Variants in SLC36A1 observed in about 807,000 individuals in gnomAD.
The protein encoded by SLC36A1 is proton-coupled amino acid transporter 1.
A neutral mutation model predicts 47.5 loss-of-function variants in SLC36A1; 30 were observed. The observed-to-expected ratio is 0.63, with a 90% CI of 0.47 to 0.86. SLC36A1 has a LOEUF of 0.86. Among genes scored for constraint, SLC36A1 ranks in the 40% least tolerant of loss-of-function variants. The pLI is 0.00. For missense variants in SLC36A1, 517 were observed against 606.0 expected, an observed-to-expected ratio of 0.85 and a Z score of 1.54; for synonymous variants, 255 against 249.7, an observed-to-expected ratio of 1.02 and a Z score of -0.20.
the SLC36A1 span, chr5:151,534,558 C>G: frequency 1.2e-6 from 2 of 1,614,102 alleles, no homozygotes; most frequent in South Asian, 1.1e-5. Flanking sequence ...CTGGCACGAT[C>G]GGCCACCTCC....
intron 7 of SLC36A1, among the ~76,000 whole-genome samples, chr5:151,472,129 G>C (rs968795022): frequency 5.9e-5 from 9 of 152,206 alleles, no homozygotes; most frequent in Admixed American, 2.6e-4. Flanking sequence ...AGTTTATTAA[G>C]GAATATTAAC....
rs1179862578 is a variant in SLC36A1 at position 151,486,977 on chromosome 5, C to T, written c.1160-1006C>T. Among the ~76,000 whole-genome samples, 3 of 152,338 alleles carry T rather than the reference C, an allele frequency of 2.0e-5. No individual in the cohort carries two copies. The East Asian group carries it at 5.8e-4, about 29-fold the overall frequency. ...GCATAACCTCATTTGACCATCATGACATCTCTATGATTCAGGAGCAGTTAA... is the reference window on the plus strand; with the variant it reads ...GCATAACCTCATTTGACCATCATGATATCTCTATGATTCAGGAGCAGTTAA... On this transcript the variant is annotated intron_variant, in intron 10 of 10. Transcript: ENST00000243389.
the SLC36A1 span, among the ~76,000 whole-genome samples, chr5:151,413,532 G>T: frequency 6.6e-6 from 1 of 152,046 alleles, no homozygotes; most frequent in Non-Finnish European, 1.5e-5. Context: ...TGAAAAAACT[G>T]AAAAACTATT....
the SLC36A1 span, among the ~76,000 whole-genome samples, chr5:151,402,351 T>A: frequency 6.6e-6 from 1 of 152,182 alleles, no homozygotes; most frequent in Admixed American, 6.5e-5. Context: ...GTCTAGTTGA[T>A]CCTGGTGAAT....
the SLC36A1 span, among the ~76,000 whole-genome samples, chr5:151,399,211 T>TA: frequency 6.6e-6 from 1 of 150,908 alleles, no homozygotes; most frequent in South Asian, 2.1e-4. Flanking sequence ...CTCAGCCTAC[T>TA]AAGTAGATGG....
chr5:151,367,374 T>TTTTTTTCCC, the SLC36A1 span, among the ~76,000 whole-genome samples: 20 of 145,530 alleles, frequency 1.4e-4, no homozygotes, highest in African/African-American at 4.9e-4. Flanking sequence ...TTTTTTTTTT[T>TTTTTTTCCC]CCCCAGGGTA....
At chr5:151,521,974 ACAGTGATGAAGATCTC>A in the SLC36A1 span, 1 of 1,614,138 alleles carries the variant, frequency 6.2e-7, no homozygotes, top group South Asian at 1.1e-5. Flanking sequence ...ATCCTCTCCA[ACAGTGATGAAGATCTC>A]CAGTGGGAGA....
chr5:151,378,908 G>A, the SLC36A1 span, among the ~76,000 whole-genome samples: 1 of 152,358 alleles, frequency 6.6e-6, no homozygotes, highest in South Asian at 2.1e-4. Flanking sequence ...CCAGCAGGCT[G>A]GACCGTGGAG....
chr5:151,397,764 C>CAAAAAAAAAAAAAAA, the SLC36A1 span, among the ~76,000 whole-genome samples: 1 of 44,322 alleles, frequency 2.3e-5, no homozygotes. Context: ...AACTCCAACT[C>CAAAAAAAAAAAAAAA]AAAAAAAAAA....
chr5:151,537,576 A>C, the SLC36A1 span, among the ~76,000 whole-genome samples: 1 of 152,214 alleles, frequency 6.6e-6, no homozygotes, highest in Non-Finnish European at 1.5e-5. Flanking sequence ...CCACTGATTC[A>C]ATGACCCCCT....
upstream of SLC36A1, among the ~76,000 whole-genome samples, chr5:151,443,382 T>G (rs1046709359): frequency 6.6e-6 from 1 of 152,202 alleles, no homozygotes; most frequent in South Asian, 2.1e-4. Flanking sequence ...TGAGGTGATA[T>G]CTAATAATGA....
the SLC36A1 span, among the ~76,000 whole-genome samples, chr5:151,359,858 G>A: frequency 6.6e-6 from 1 of 152,164 alleles, no homozygotes; most frequent in Non-Finnish European, 1.5e-5. Context: ...CCAATAGTTT[G>A]TTTCTTTTAA....
At chr5:151,400,281 A>G in the SLC36A1 span, among the ~76,000 whole-genome samples, 1 of 152,160 alleles carries the variant, frequency 6.6e-6, no homozygotes, top group Non-Finnish European at 1.5e-5. Flanking sequence ...TTTTTGAGTT[A>G]ATTTGCTGAG....
chr5:151,483,689 GAGTT>G (rs1759144120), intron 10 of SLC36A1, among the ~76,000 whole-genome samples: 1 of 152,136 alleles, frequency 6.6e-6, no homozygotes, highest in South Asian at 2.1e-4. Context: ...GCTGCTTCTG[GAGTT>G]AGTTAAAGTC....
chr5:151,413,932 C>A, the SLC36A1 span, among the ~76,000 whole-genome samples: 10 of 151,914 alleles, frequency 6.6e-5, 1 homozygote, highest in South Asian at 1.9e-3. Context: ...TCTAAGTGAA[C>A]ACAGTGCTTT....
chr5:151,395,794 T>C, the SLC36A1 span, among the ~76,000 whole-genome samples: 1 of 152,066 alleles, frequency 6.6e-6, no homozygotes, highest in Non-Finnish European at 1.5e-5. Flanking sequence ...ATACTTACTG[T>C]TATTCTTTCT....
intron 9 of SLC36A1, 176 bp downstream of exon 9, chr5:151,476,932 A>G (rs1758145941): frequency 1.3e-6 from 1 of 794,316 alleles, no homozygotes; most frequent in Non-Finnish European, 2.1e-6. Context: ...TGTTTGGGGA[A>G]TTCATGTAGA....
the SLC36A1 span, among the ~76,000 whole-genome samples, chr5:151,541,570 A>G: frequency 6.6e-6 from 1 of 152,194 alleles, no homozygotes; most frequent in Admixed American, 6.5e-5. Flanking sequence ...ATGGGGGGAC[A>G]TGGCACCTGG....
At chr5:151,532,418 C>T in the SLC36A1 span, among the ~76,000 whole-genome samples, 2 of 144,364 alleles carry the variant, frequency 1.4e-5, no homozygotes, top group Admixed American at 6.9e-5. Flanking sequence ...CACACACACA[C>T]GCAAATGAGT....
Sources: allele counts gnomAD v4.1 joint callset (sites outside exome capture counted in the v4.1 genomes callset), GRCh38; gene constraint gnomAD v4.1.1; transcripts MANE v1.5; gene names NCBI Gene and HGNC (gene_info 2026-07-23, HGNC 2026-07-21).